The following NLK variants were observed in gnomAD, a reference collection of about 807,000 sequenced individuals.
The protein encoded by NLK is nemo like kinase.
A neutral mutation model predicts 59.0 loss-of-function variants in NLK; 11 were observed. The ratio of observed to expected loss-of-function variants is 0.19; its 90% CI spans 0.12 to 0.31. The LOEUF is 0.31. Among genes scored for constraint, NLK ranks in the 10% least tolerant of loss-of-function variants. The pLI is 1.00. For synonymous variants in NLK, 235 were observed against 235.9 expected, an observed-to-expected ratio of 1.00 and a Z score of 0.03; for missense variants, 410 against 661.1, an observed-to-expected ratio of 0.62 and a Z score of 4.16.
At chr17:28,051,277 A>G (rs1022979936) in intron 1 of NLK, among the ~76,000 whole-genome samples, 17 of 151,376 alleles carry the variant, frequency 1.1e-4, no homozygotes, top group South Asian at 8.3e-4. Flanking sequence ...TCCAAATCTC[A>G]TTTGTTTGTT....
intron 1 of NLK, among the ~76,000 whole-genome samples, chr17:28,084,012 T>TA (rs1206170268): frequency 6.6e-6 from 1 of 152,198 alleles, no homozygotes; most frequent in African/African-American, 2.4e-5. Context: ...CATATCATGA[T>TA]ACAGCTGTGA....
At chr17:28,067,482 C>A (rs1162065338) in intron 1 of NLK, among the ~76,000 whole-genome samples, 4 of 150,072 alleles carry the variant, frequency 2.7e-5, no homozygotes, top group Non-Finnish European at 5.9e-5. Context: ...CAATTTATAT[C>A]TCCAGTATTG....
chr17:28,188,106 G>A (rs1909185621), intron 8 of NLK, among the ~76,000 whole-genome samples: 1 of 152,184 alleles, frequency 6.6e-6, no homozygotes, highest in Admixed American at 6.5e-5. Flanking sequence ...CAGAAGCTGA[G>A]GTGGGAGGAT....
intron 1 of NLK, among the ~76,000 whole-genome samples, chr17:28,113,834 A>G (rs149072076): frequency 1.4e-3 from 206 of 152,100 alleles, no homozygotes; most frequent in Non-Finnish European, 2.1e-3. Flanking sequence ...ACACTCTACC[A>G]CCATTGTCCT....
chr17:28,043,334 G>A lies in NLK; in HGVS notation c.458+3G>A. 6.5e-7 allele frequency: 1 copy of A among 1,535,238 alleles called. No individual in the cohort carries two copies. The highest frequency in any genetic ancestry group is 2.2e-5 in the Admixed American group (1 of 45,376). The stretch of plus-strand genomic sequence containing the variant: ...TATGGAGCCTTTGGTGTTGTCTGGT[G>A]AGTATCCAAAGAAAAACACAACCTC... On this transcript the variant is annotated splice_donor_region_variant and intron_variant, in intron 1 of 10. Transcript: ENST00000407008.
intron 1 of NLK, among the ~76,000 whole-genome samples, chr17:28,057,103 C>A (rs995043239): frequency 4.6e-5 from 7 of 151,846 alleles, no homozygotes; most frequent in Non-Finnish European, 1.0e-4. Context: ...TACAGGCATG[C>A]ACCACCACGC....
chr17:28,193,812 AATTAAGTTGCACTT>A (rs1909393885), intron 10 of NLK, among the ~76,000 whole-genome samples: 2 of 152,230 alleles, frequency 1.3e-5, no homozygotes, highest in African/African-American at 4.8e-5. Flanking sequence ...TGGAAGAAGG[AATTAAGTTGCACTT>A]TTACTTATCT....
chr17:28,136,628 AT>A (rs1436503453), intron 3 of NLK, among the ~76,000 whole-genome samples: 4 of 152,024 alleles, frequency 2.6e-5, no homozygotes, highest in Admixed American at 2.0e-4. Context: ...TTGAGACAGA[AT>A]TTCGCTCTTT....
intron 1 of NLK, among the ~76,000 whole-genome samples, chr17:28,043,636 C>T (rs1908952965): frequency 6.6e-6 from 1 of 152,216 alleles, no homozygotes; most frequent in South Asian, 2.1e-4. Context: ...GTATGCAATA[C>T]TAATTCCTAC....
chr17:28,201,384 T>TC, the NLK span, among the ~76,000 whole-genome samples: 23 of 148,128 alleles, frequency 1.6e-4, no homozygotes, highest in Non-Finnish European at 3.4e-4. Context: ...CACCTGGTCT[T>TC]TTTTTTTTTT....
chr17:28,177,332 T>C (rs1908724221), intron 7 of NLK, among the ~76,000 whole-genome samples: 1 of 152,210 alleles, frequency 6.6e-6, no homozygotes, highest in Non-Finnish European at 1.5e-5. Context: ...AGTCACAGAT[T>C]AATGTGTCAA....
intron 1 of NLK, among the ~76,000 whole-genome samples, chr17:28,093,364 A>T (rs1301550700): frequency 6.6e-6 from 1 of 152,222 alleles, no homozygotes; most frequent in Non-Finnish European, 1.5e-5. Flanking sequence ...TATATATAAT[A>T]GCATTTCCAA....
At chr17:28,135,658 G>C (rs1567723966) in intron 3 of NLK, among the ~76,000 whole-genome samples, 1 of 152,212 alleles carries the variant, frequency 6.6e-6, no homozygotes, top group African/African-American at 2.4e-5. Context: ...CTGCACATAG[G>C]CCATATGTGA....
rs141564692 is a variant in NLK at position 28,108,685 on chromosome 17, G to C, written c.459-13918G>C. On this transcript the variant is annotated intron_variant, in intron 1 of 10. Coordinates refer to ENST00000407008, the MANE Select transcript of NLK (RefSeq NM_016231.5). Reference sequence around the variant, plus strand: ...AACTTTAATAGCAAGTATGAAATTAGTTTGAATAAATGGAAAGTTGTACCC... The same window carrying C: ...AACTTTAATAGCAAGTATGAAATTACTTTGAATAAATGGAAAGTTGTACCC... 3.4e-3 allele frequency among the ~76,000 whole-genome samples: 514 copies of C among 152,280 alleles called. 3 individuals carry two copies. The highest frequency in any genetic ancestry group is 0.012 in the African/African-American group (484 of 41,554).
downstream of NLK, among the ~76,000 whole-genome samples, chr17:28,199,463 C>T (rs974133190): frequency 3.3e-5 from 5 of 151,884 alleles, no homozygotes; most frequent in Middle Eastern, 3.4e-3. Flanking sequence ...GTCAAGAGTT[C>T]GAGACCACCC....
In NLK at chr17:28,135,659, C is replaced by T. The variant is rs141225413; in HGVS notation, c.644+2984C>T. Among the ~76,000 whole-genome samples the T allele has an allele frequency of 2.9e-4, 44 of 152,178 alleles. No individual in the cohort carries two copies. In the East Asian group the frequency reaches 7.3e-3, roughly 25 times the overall value. On this transcript the variant is annotated intron_variant, in intron 3 of 10. Coordinates refer to ENST00000407008, the MANE Select transcript of NLK (RefSeq NM_016231.5). Reference sequence around the variant, plus strand: ...GAGTTAACCCTTTACTGCACATAGGCCATATGTGAAGAAAGAATGTTTCCA... The same window carrying T: ...GAGTTAACCCTTTACTGCACATAGGTCATATGTGAAGAAAGAATGTTTCCA...
chr17:28,115,145 G>A (rs1456333630), intron 1 of NLK, among the ~76,000 whole-genome samples: 2 of 152,150 alleles, frequency 1.3e-5, no homozygotes, highest in Non-Finnish European at 2.9e-5. Flanking sequence ...CTATAAGAAG[G>A]TACTACTGCT....
At chr17:28,055,547 G>A (rs1909412180) in intron 1 of NLK, among the ~76,000 whole-genome samples, 1 of 151,868 alleles carries the variant, frequency 6.6e-6, no homozygotes, top group African/African-American at 2.4e-5. Flanking sequence ...GTCTTGCCAT[G>A]TTGTCCAGGC....
intron 1 of NLK, among the ~76,000 whole-genome samples, chr17:28,102,532 C>T (rs1444240051): frequency 6.6e-6 from 1 of 151,792 alleles, no homozygotes; most frequent in Non-Finnish European, 1.5e-5. Flanking sequence ...GCCTGTAGTC[C>T]CAGCTATGCG....
Sources: allele counts gnomAD v4.1 joint callset (sites outside exome capture counted in the v4.1 genomes callset), GRCh38; gene constraint gnomAD v4.1.1; transcripts MANE v1.5; gene names NCBI Gene and HGNC (gene_info 2026-07-23, HGNC 2026-07-21).